LTBP2: variants seen among roughly 807,000 people sequenced by gnomAD.
LTBP2 encodes latent transforming growth factor beta binding protein 2, also known as latent-transforming growth factor beta-binding protein 2.
Under a neutral mutation model 210.6 loss-of-function variants are expected in LTBP2, and 103 were observed. The observed-to-expected ratio is 0.49, with a 90% confidence interval of 0.42 to 0.58. LTBP2 has a LOEUF of 0.58. Ranked by LOEUF, LTBP2 falls within the 20% of genes least tolerant of loss-of-function variation. The pLI, the probability that LTBP2 is intolerant of heterozygous loss-of-function variation, is 0.00. For missense variants in LTBP2, 2,313 were observed against 2,494.5 expected, an observed-to-expected ratio of 0.93 and a Z score of 1.55; for synonymous variants, 1,007 against 1,015.0, an observed-to-expected ratio of 0.99 and a Z score of 0.15.
intron 17 of LTBP2, 64 bp downstream of exon 17, chr14:74,521,847 G>C: frequency 6.2e-7 from 1 of 1,606,034 alleles, no homozygotes; most frequent in South Asian, 1.1e-5. Context: ...GTGAACCCCT[G>C]GTTCCTCTTC....
chr14:74,528,428 G>T, intron 12 of LTBP2, 55 bp downstream of exon 12: 1 of 1,587,414 alleles, frequency 6.3e-7, no homozygotes, highest in Non-Finnish European at 8.6e-7. Flanking sequence ...TCTCTGAGGT[G>T]CTGGAAACTT....
chr14:74,610,628 C>T (rs2088592062), intron 1 of LTBP2, among the ~76,000 whole-genome samples: 1 of 152,254 alleles, frequency 6.6e-6, no homozygotes, highest in African/African-American at 2.4e-5. Context: ...AGCGTGCCCG[C>T]AGCCATGATG....
rs764562367 is a variant in LTBP2 at position 74,503,213 on chromosome 14, C to T, written c.4888+6G>A. On this transcript the variant is annotated splice_donor_region_variant and intron_variant, in intron 33 of 35. Transcript: ENST00000261978. ...CCTGCAGGGTATCCCCTTTGCTCCCCCTCACCAGAGCTCCTCGGGGGACAC... is the reference window on the plus strand; with the variant it reads ...CCTGCAGGGTATCCCCTTTGCTCCCTCTCACCAGAGCTCCTCGGGGGACAC... The T allele has an allele frequency of 1.2e-5, 19 of 1,613,706 alleles. No homozygotes were observed. In the East Asian group the frequency reaches 3.6e-4, roughly 30 times the overall value.
rs1555350201 is a variant in LTBP2, at chr14:74,540,848, T to TATTTATATATTA, written c.1790-4849_1790-4848insTAATATATAAAT. Among the ~76,000 whole-genome samples, 252 of 68,652 alleles carry TATTTATATATTA rather than the reference T, an allele frequency of 3.7e-3. 15 individuals carry two copies. The highest frequency in any genetic ancestry group is 0.02 in the South Asian group (52 of 2,662). The allele number at this position is 68,652 out of a possible 152,430, so 45.0% of individuals were successfully genotyped here. A position where few individuals can be genotyped will look rare whatever the true frequency, so the allele number is the denominator to read the frequency against. ...TTTATATAATATATATTTATATATA[T>TATTTATATATTA]TATATATATTATATATATTTATATA... On this transcript the variant is annotated intron_variant, in intron 8 of 35. Transcript: ENST00000261978.
At chr14:74,545,580 G>C (rs967278429) in intron 8 of LTBP2, among the ~76,000 whole-genome samples, 1 of 152,228 alleles carries the variant, frequency 6.6e-6, no homozygotes, top group Non-Finnish European at 1.5e-5. Context: ...TGCCAGCCCC[G>C]CCTGTCCCAG....
intron 34 of LTBP2, 75 bp from the exon 35 acceptor site, chr14:74,501,665 C>T: frequency 4.4e-6 from 7 of 1,590,848 alleles, no homozygotes; most frequent in South Asian, 2.2e-5. Flanking sequence ...GGACCCTCGC[C>T]CTTCTGGACA....
intron 3 of LTBP2, among the ~76,000 whole-genome samples, chr14:74,571,044 A>G (rs2139772169): frequency 6.6e-6 from 1 of 152,250 alleles, no homozygotes; most frequent in Non-Finnish European, 1.5e-5. Flanking sequence ...TTAAAAAAAA[A>G]AAAAAGAGTG....
intron 8 of LTBP2, among the ~76,000 whole-genome samples, chr14:74,539,903 A>G (rs934853903): frequency 1.3e-5 from 2 of 152,190 alleles, no homozygotes; most frequent in African/African-American, 4.8e-5. Context: ...GGATACATGT[A>G]TGTGCTTTTT....
chr14:74,524,061 A>C (rs540893039), intron 15 of LTBP2, among the ~76,000 whole-genome samples: 4 of 152,058 alleles, frequency 2.6e-5, no homozygotes, highest in Non-Finnish European at 5.9e-5. Flanking sequence ...GATAGGGCAA[A>C]AGGCTGAGGC....
intron 24 of LTBP2, 116 bp from the exon 25 acceptor site, chr14:74,508,211 T>C (rs2087016801): frequency 2.2e-6 from 3 of 1,338,968 alleles, no homozygotes; most frequent in African/African-American, 2.9e-5. Flanking sequence ...GTGGCTTATG[T>C]AGGAAAAGGC....
At chr14:74,542,654 T>C (rs2087523257) in intron 8 of LTBP2, among the ~76,000 whole-genome samples, 1 of 152,108 alleles carries the variant, frequency 6.6e-6, no homozygotes. Flanking sequence ...GGAGAGAAAA[T>C]TCTACTCCCC....
chr14:74,564,710 T>A (rs1280331022), intron 3 of LTBP2, among the ~76,000 whole-genome samples: 4 of 152,004 alleles, frequency 2.6e-5, no homozygotes, highest in Non-Finnish European at 5.9e-5. Flanking sequence ...AATGACACTT[T>A]CTTTGTGCCA....
chr14:74,525,971 G>A (rs1272111070), intron 14 of LTBP2, 104 bp downstream of exon 14: 8 of 1,192,612 alleles, frequency 6.7e-6, no homozygotes, highest in Non-Finnish European at 9.7e-6. Flanking sequence ...CCTCTGATGT[G>A]TGTGTGAGCG....
intron 2 of LTBP2, among the ~76,000 whole-genome samples, chr14:74,600,893 T>G (rs998109057): frequency 2.0e-5 from 3 of 152,062 alleles, no homozygotes; most frequent in Admixed American, 6.6e-5. Context: ...ACATAGAATA[T>G]CCGCCCCACC....
intron 8 of LTBP2, among the ~76,000 whole-genome samples, chr14:74,544,025 C>T (rs895123909): frequency 1.3e-5 from 2 of 152,254 alleles, no homozygotes; most frequent in African/African-American, 4.8e-5. Context: ...GTGACACCCA[C>T]CCCTGCTGGG....
At chr14:74,533,506 T>C (rs997237246) in intron 9 of LTBP2, among the ~76,000 whole-genome samples, 1 of 152,120 alleles carries the variant, frequency 6.6e-6, no homozygotes, top group African/African-American at 2.4e-5. Flanking sequence ...GGAGCATGTC[T>C]GCAGTGAGCT....
At chr14:74,599,298 C>A (rs562625399) in intron 2 of LTBP2, among the ~76,000 whole-genome samples, 47 of 152,218 alleles carry the variant, frequency 3.1e-4, no homozygotes, top group Admixed American at 3.0e-3. Flanking sequence ...TTGCCTGCCC[C>A]CTCCTCGACA....
intron 31 of LTBP2, 58 bp from the exon 32 acceptor site, chr14:74,503,664 C>T: frequency 1.2e-6 from 2 of 1,602,924 alleles, no homozygotes; most frequent in Admixed American, 3.4e-5. Context: ...CAACCACCCT[C>T]AGGGAAGGGT....
At chr14:74,572,174 C>T (rs1269003920) in intron 3 of LTBP2, among the ~76,000 whole-genome samples, 1 of 152,202 alleles carries the variant, frequency 6.6e-6, no homozygotes. Context: ...CCTCATACAA[C>T]ACAGTCATCA....
Sources: gnomAD v4.1 joint callset for allele counts (sites outside exome capture counted in the v4.1 genomes callset) on GRCh38, gnomAD v4.1.1 for gene constraint, MANE v1.5 for transcripts, NCBI Gene and HGNC (gene_info 2026-07-23, HGNC 2026-07-21) for gene names.